The following MAST4 variants were observed in gnomAD, a reference collection of about 807,000 sequenced individuals.
The protein encoded by MAST4 is microtubule associated serine/threonine kinase family member 4.
Under a neutral mutation model 162.7 loss-of-function variants are expected in MAST4, and 89 were observed. That is an observed-to-expected ratio of 0.55 (90% confidence interval 0.46 to 0.65). The LOEUF is 0.65. Among genes scored for constraint, MAST4 ranks in the 30% least tolerant of loss-of-function variants. The pLI is 0.00. For missense variants in MAST4, 3,153 were observed against 3,374.0 expected (o/e 0.93, Z 1.62); for synonymous variants, 1,479 against 1,361.1 (o/e 1.09, Z -1.91).
intron 4 of MAST4, among the ~76,000 whole-genome samples, chr5:67,007,780 T>G (rs927180752): frequency 6.6e-6 from 1 of 152,216 alleles, no homozygotes; most frequent in Non-Finnish European, 1.5e-5. Flanking sequence ...TTCAATGTGA[T>G]GCTGGTTTGT....
At chr5:66,961,888 G>C (rs919846718) in intron 4 of MAST4, among the ~76,000 whole-genome samples, 2 of 152,236 alleles carry the variant, frequency 1.3e-5, no homozygotes, top group African/African-American at 4.8e-5. Context: ...AATATGCTCT[G>C]AGTGTATAAG....
chr5:66,951,792 T>C (rs1399292632), intron 4 of MAST4, among the ~76,000 whole-genome samples: 1 of 152,166 alleles, frequency 6.6e-6, no homozygotes, highest in East Asian at 1.9e-4. Flanking sequence ...CACTCTTCAA[T>C]AGAACTATAA....
intron 2 of MAST4, 63 bp from the exon 3 acceptor site, chr5:66,788,607 C>CCCACCCAAAAA: frequency 7.3e-7 from 1 of 1,373,728 alleles, no homozygotes; most frequent in Non-Finnish European, 1.0e-6. Context: ...CCCCCACCCC[C>CCCACCCAAAAA]ATTGCAATAA....
At chr5:66,654,127 T>A (rs1308288453) in intron 1 of MAST4, among the ~76,000 whole-genome samples, 1 of 152,190 alleles carries the variant, frequency 6.6e-6, no homozygotes, top group Non-Finnish European at 1.5e-5. Flanking sequence ...ATAAGTGCTG[T>A]CAAGGAATTG....
intron 5 of MAST4, among the ~76,000 whole-genome samples, chr5:67,086,652 C>A (rs1763276084): frequency 6.6e-6 from 1 of 152,224 alleles, no homozygotes; most frequent in African/African-American, 2.4e-5. Context: ...CTGGGAGCAG[C>A]AGGATTTTAG....
intron 1 of MAST4, among the ~76,000 whole-genome samples, chr5:66,682,000 C>T (rs1026708858): frequency 2.6e-5 from 4 of 152,132 alleles, no homozygotes; most frequent in Non-Finnish European, 5.9e-5. Flanking sequence ...ACAGGACAGC[C>T]AGACAGTCTA....
intron 4 of MAST4, among the ~76,000 whole-genome samples, chr5:67,040,092 ATTC>A (rs1254958631): frequency 6.6e-6 from 1 of 152,050 alleles, no homozygotes; most frequent in Non-Finnish European, 1.5e-5. Flanking sequence ...GTGGGCATTA[ATTC>A]TTCTTTTCCC....
intron 10 of MAST4, among the ~76,000 whole-genome samples, chr5:67,109,494 GA>G (rs1002100057): frequency 3.3e-5 from 5 of 151,398 alleles, no homozygotes; most frequent in African/African-American, 1.2e-4. Context: ...TCTAAAATTT[GA>G]AAAAAAATCC....
chr5:67,123,708 A>G (rs1023100694), intron 14 of MAST4, among the ~76,000 whole-genome samples: 2 of 152,220 alleles, frequency 1.3e-5, no homozygotes, highest in Non-Finnish European at 2.9e-5. Flanking sequence ...CATAACTTCA[A>G]ATGTTTTCAA....
chr5:67,162,347 C>A (rs765027536), intron 27 of MAST4, among the ~76,000 whole-genome samples: 12 of 152,184 alleles, frequency 7.9e-5, no homozygotes, highest in Non-Finnish European at 1.6e-4. Flanking sequence ...ATTTTTAATG[C>A]ATTTTATATT....
chr5:66,957,869 A>G (rs1745514318), intron 4 of MAST4, among the ~76,000 whole-genome samples: 1 of 152,188 alleles, frequency 6.6e-6, no homozygotes, highest in Non-Finnish European at 1.5e-5. Flanking sequence ...AGCAGACCAG[A>G]TGTTGGTTCC....
intron 5 of MAST4, 141 bp from the exon 6 acceptor site, chr5:67,090,021 G>A (rs1283038359): frequency 4.8e-6 from 3 of 626,288 alleles, no homozygotes; most frequent in East Asian, 6.4e-5. Context: ...ACCATCCCTG[G>A]TCCAGGTAAA....
At chr5:66,811,332 G>GT (rs1429274633) in intron 3 of MAST4, among the ~76,000 whole-genome samples, 1 of 152,078 alleles carries the variant, frequency 6.6e-6, no homozygotes, top group Non-Finnish European at 1.5e-5. Context: ...TCTGCTTTTT[G>GT]TTTTTAATGA....
chr5:66,670,268 T>G (rs1219427128), intron 1 of MAST4, among the ~76,000 whole-genome samples: 3 of 152,192 alleles, frequency 2.0e-5, no homozygotes, highest in African/African-American at 7.2e-5. Flanking sequence ...TCATAGCTCT[T>G]GCAGACTCTT....
At chr5:66,667,772 T>C (rs1747356552) in intron 1 of MAST4, among the ~76,000 whole-genome samples, 2 of 148,094 alleles carry the variant, frequency 1.4e-5, no homozygotes, top group Admixed American at 1.3e-4. Context: ...GCTAATAGTA[T>C]CTCCAACAAA....
chr5:66,690,094 G>A (rs1404556607), intron 1 of MAST4, among the ~76,000 whole-genome samples: 1 of 152,030 alleles, frequency 6.6e-6, no homozygotes, highest in African/African-American at 2.4e-5. Context: ...TCTGGCTTAG[G>A]GAAACTCCAC....
intron 5 of MAST4, among the ~76,000 whole-genome samples, chr5:67,073,535 C>T (rs1433285949): frequency 1.3e-5 from 2 of 152,146 alleles, no homozygotes; most frequent in Non-Finnish European, 2.9e-5. Flanking sequence ...CAAATGCTTA[C>T]AGTGGTAACT....
chr5:66,611,869 A>T (rs1033623281), intron 1 of MAST4, among the ~76,000 whole-genome samples: 3 of 152,236 alleles, frequency 2.0e-5, no homozygotes, highest in Non-Finnish European at 2.9e-5. Context: ...ATTTGAATGA[A>T]AAGTGGTGGA....
intron 1 of MAST4, among the ~76,000 whole-genome samples, chr5:66,701,232 C>T (rs1749757516): frequency 6.6e-6 from 1 of 152,282 alleles, no homozygotes; most frequent in Admixed American, 6.5e-5. Context: ...TATGGGCACG[C>T]AGTGATTCCA....
Sources: allele counts gnomAD v4.1 joint callset (sites outside exome capture counted in the v4.1 genomes callset), GRCh38; gene constraint gnomAD v4.1.1; transcripts MANE v1.5; gene names NCBI Gene and HGNC (gene_info 2026-07-23, HGNC 2026-07-21).